NRXN3: variants seen among roughly 807,000 people sequenced by gnomAD.
The protein encoded by NRXN3 is neurexin III.
NRXN3 carries 32 observed loss-of-function variants against 137.6 expected under a neutral mutation model. The ratio of observed to expected loss-of-function variants is 0.23; its 90% CI spans 0.18 to 0.31. NRXN3 has a LOEUF of 0.31. NRXN3 is among the 10% of genes least tolerant of loss of function. NRXN3 has a pLI of 1.00. For synonymous variants in NRXN3, 798 were observed against 784.5 expected, an observed-to-expected ratio of 1.02 and a Z score of -0.29; for missense variants, 1,574 against 2,062.5, an observed-to-expected ratio of 0.76 and a Z score of 4.59.
At chr14:79,003,250 AC>A (rs2099545444) in intron 15 of NRXN3, among the ~76,000 whole-genome samples, 1 of 152,196 alleles carries the variant, frequency 6.6e-6, no homozygotes, top group South Asian at 2.1e-4. Flanking sequence ...GAAGAAAATT[AC>A]TGGTCTGTGA....
intron 6 of NRXN3, among the ~76,000 whole-genome samples, chr14:78,680,799 T>C (rs984321060): frequency 6.6e-6 from 1 of 152,158 alleles, no homozygotes; most frequent in Admixed American, 6.5e-5. Context: ...AATACTCTGG[T>C]TTCTGCCCAA....
At chr14:78,339,839 GAGA>G (rs1160258365) in intron 4 of NRXN3, among the ~76,000 whole-genome samples, 1 of 152,164 alleles carries the variant, frequency 6.6e-6, no homozygotes, top group Non-Finnish European at 1.5e-5. Flanking sequence ...GAGGAGCACT[GAGA>G]AGAAGAAGTA....
At chr14:79,235,033 T>G (rs954750954) in intron 15 of NRXN3, among the ~76,000 whole-genome samples, 4 of 152,138 alleles carry the variant, frequency 2.6e-5, no homozygotes, top group Admixed American at 2.6e-4. Context: ...ACATTGATAT[T>G]TTTTTGAAAA....
chr14:78,410,256 G>A (rs1026599330), intron 4 of NRXN3, among the ~76,000 whole-genome samples: 15 of 152,306 alleles, frequency 9.8e-5, no homozygotes, highest in Admixed American at 5.2e-4. Context: ...TTCAGTTTAC[G>A]CTGGAGAATG....
At chr14:79,089,313 G>A (rs2048727979) in intron 15 of NRXN3, among the ~76,000 whole-genome samples, 1 of 152,116 alleles carries the variant, frequency 6.6e-6, no homozygotes, top group African/African-American at 2.4e-5. Context: ...GAGCTCCCGA[G>A]AATGCTAGTT....
intron 15 of NRXN3, among the ~76,000 whole-genome samples, chr14:79,463,513 T>C (rs1176986960): frequency 1.3e-5 from 2 of 152,120 alleles, no homozygotes; most frequent in Non-Finnish European, 2.9e-5. Flanking sequence ...TATTTGAAGA[T>C]GAGATGTATC....
chr14:79,786,999 A>G (rs573897057), intron 19 of NRXN3, among the ~76,000 whole-genome samples: 1 of 152,356 alleles, frequency 6.6e-6, no homozygotes, highest in East Asian at 1.9e-4. Flanking sequence ...TGAAAGGAGG[A>G]GAAGCAAAAC....
At chr14:78,607,314 G>A (rs968367489) in intron 4 of NRXN3, among the ~76,000 whole-genome samples, 8 of 152,196 alleles carry the variant, frequency 5.3e-5, no homozygotes, top group Non-Finnish European at 7.3e-5. Flanking sequence ...TTCCATGAAA[G>A]CATTTGATCC....
intron 1 of NRXN3, among the ~76,000 whole-genome samples, chr14:78,204,594 T>C (rs1352822868): frequency 1.3e-5 from 2 of 152,146 alleles, no homozygotes; most frequent in Non-Finnish European, 2.9e-5. Context: ...TCAAAATAAC[T>C]TAATGGTGTA....
At chr14:78,682,214 A>G (rs999150048) in intron 6 of NRXN3, among the ~76,000 whole-genome samples, 5 of 151,890 alleles carry the variant, frequency 3.3e-5, no homozygotes, top group Non-Finnish European at 7.4e-5. Context: ...ATTGGGCTGG[A>G]TTTGCCAAAA....
At chr14:79,637,265 A>T (rs2098408753) in intron 16 of NRXN3, among the ~76,000 whole-genome samples, 1 of 152,204 alleles carries the variant, frequency 6.6e-6, no homozygotes, top group Non-Finnish European at 1.5e-5. Context: ...TGCCTTACAC[A>T]GATCAAGTGT....
At chr14:79,369,228 G>A (rs1203771307) in intron 15 of NRXN3, among the ~76,000 whole-genome samples, 1 of 152,188 alleles carries the variant, frequency 6.6e-6, no homozygotes, top group Non-Finnish European at 1.5e-5. Context: ...GGCCAGTCAG[G>A]AACAGGTGGG....
At chr14:78,434,300 G>C (rs1403961635) in intron 4 of NRXN3, among the ~76,000 whole-genome samples, 1 of 152,160 alleles carries the variant, frequency 6.6e-6, no homozygotes, top group Non-Finnish European at 1.5e-5. Flanking sequence ...GGTTGTGAGG[G>C]AGGGATCTGT....
chr14:79,152,936 G>C (rs939476363), intron 15 of NRXN3, among the ~76,000 whole-genome samples: 2 of 151,940 alleles, frequency 1.3e-5, no homozygotes, highest in Non-Finnish European at 2.9e-5. Flanking sequence ...ACACCTGTGG[G>C]CTTGCATTTT....
At chr14:78,469,764 G>A (rs2095220301) in intron 4 of NRXN3, among the ~76,000 whole-genome samples, 1 of 152,146 alleles carries the variant, frequency 6.6e-6, no homozygotes, top group Non-Finnish European at 1.5e-5. Context: ...TTCAAACCGA[G>A]CTTTCTTTAC....
chr14:78,523,424 A>C (rs1413554204), intron 4 of NRXN3, among the ~76,000 whole-genome samples: 1 of 152,194 alleles, frequency 6.6e-6, no homozygotes, highest in Non-Finnish European at 1.5e-5. Flanking sequence ...AAATCTAAGC[A>C]GACTTTCTCT....
intron 15 of NRXN3, among the ~76,000 whole-genome samples, chr14:79,334,422 T>C (rs1193371895): frequency 6.6e-6 from 1 of 152,010 alleles, no homozygotes; most frequent in Non-Finnish European, 1.5e-5. Context: ...GCTGAGGAAA[T>C]AGCAGGTATA....
chr14:78,203,834 GT>G (rs2061918335), intron 1 of NRXN3, among the ~76,000 whole-genome samples: 3 of 77,452 alleles, frequency 3.9e-5, no homozygotes, highest in African/African-American at 2.0e-4. Flanking sequence ...GTGTGTGTGT[GT>G]GTGGTTTGTG....
intron 4 of NRXN3, among the ~76,000 whole-genome samples, chr14:78,484,085 G>A (rs1178267539): frequency 6.6e-6 from 1 of 151,362 alleles, no homozygotes; most frequent in Admixed American, 6.6e-5. Context: ...ATACATTTCT[G>A]TTCTGGATTC....
Sources: gnomAD v4.1 joint callset for allele counts (sites outside exome capture counted in the v4.1 genomes callset) on GRCh38, gnomAD v4.1.1 for gene constraint, MANE v1.5 for transcripts, NCBI Gene and HGNC (gene_info 2026-07-23, HGNC 2026-07-21) for gene names.